The following TFEB variants were observed in gnomAD, a reference collection of about 807,000 sequenced individuals.
TFEB encodes T-cell transcription factor EB.
A neutral mutation model predicts 48.0 loss-of-function variants in TFEB; 12 were observed. The ratio of observed to expected loss-of-function variants is 0.25; its 90% confidence interval spans 0.16 to 0.40. TFEB has a LOEUF of 0.40. Among genes scored for constraint, TFEB ranks in the 10% least tolerant of loss-of-function variants. TFEB has a pLI of 1.00. For missense variants in TFEB, 509 were observed against 640.3 expected, an observed-to-expected ratio of 0.79 and a Z score of 2.21; for synonymous variants, 244 against 261.4, an observed-to-expected ratio of 0.93 and a Z score of 0.64.
At chr6:41,704,421 G>T (rs1005786552) in intron 1 of TFEB, among the ~76,000 whole-genome samples, 2 of 152,218 alleles carry the variant, frequency 1.3e-5, no homozygotes, top group African/African-American at 4.8e-5. Flanking sequence ...AGTCAGTGAG[G>T]GGGTAAATGG....
chr6:41,687,649 A>G, intron 6 of TFEB, 104 bp downstream of exon 6: 3 of 1,454,404 alleles, frequency 2.1e-6, no homozygotes, highest in Non-Finnish European at 2.9e-6. Flanking sequence ...ATTGGCCTTG[A>G]GCAGGGAAGC....
At chr6:41,692,622 T>C (rs1340724736) in intron 1 of TFEB, among the ~76,000 whole-genome samples, 1 of 152,196 alleles carries the variant, frequency 6.6e-6, no homozygotes, top group East Asian at 1.9e-4. Flanking sequence ...CCCTAGCTCA[T>C]TGACTGACCC....
chr6:41,719,616 A>C (rs149542827), intron 1 of TFEB, among the ~76,000 whole-genome samples: 3 of 152,356 alleles, frequency 2.0e-5, no homozygotes, highest in Non-Finnish European at 2.9e-5. Flanking sequence ...AGTTACTGGC[A>C]TGCAGGTCAT....
intron 1 of TFEB, among the ~76,000 whole-genome samples, chr6:41,698,476 A>C (rs1386882167): frequency 6.6e-6 from 1 of 152,186 alleles, no homozygotes; most frequent in Non-Finnish European, 1.5e-5. Flanking sequence ...CAGAAAAAAA[A>C]ATTCTACCCT....
At chr6:41,712,945 G>A (rs538934104) in intron 1 of TFEB, among the ~76,000 whole-genome samples, 4 of 152,344 alleles carry the variant, frequency 2.6e-5, no homozygotes, top group African/African-American at 9.6e-5. Flanking sequence ...GCAGGTACTG[G>A]GAAATGGGGA....
chr6:41,717,638 T>C (rs1770795656), intron 1 of TFEB, among the ~76,000 whole-genome samples: 1 of 152,026 alleles, frequency 6.6e-6, no homozygotes, highest in African/African-American at 2.4e-5. Flanking sequence ...CTCATAGCAA[T>C]GCCCAGAAGG....
At position 41,723,390 on chromosome 6, in the gene TFEB, TG is replaced by T; in HGVS notation, c.-23+11959del. The T allele has an allele frequency of 1.0e-6, 1 of 986,194 alleles. No individual in the cohort carries two copies. Among genetic ancestry groups the T allele is most frequent in the East Asian group, 6.0e-5 (1 of 16,560 alleles). 61.1% of individuals were successfully genotyped at this position (986,194 alleles called of 1,614,324 possible). A position where few individuals can be genotyped will look rare whatever the true frequency, so the allele number is the denominator to read the frequency against. ...ACAGATGCACACAGGCTAACACACA[TG>T]GACACACATTCACACACATGCTCAC... is the stretch of plus-strand genomic sequence containing the variant. On this transcript the variant is annotated intron_variant, in intron 1 of 8. Coordinates refer to ENST00000373033, the MANE Select transcript of TFEB (RefSeq NM_001271944.2). This position sits in a 1 kb window ranked among gnomAD's most constrained non-coding sequence, Gnocchi z 6.0.
chr6:41,684,935 C>G lies in TFEB; in HGVS notation c.1095G>C (p.Glu365Asp). The G allele has an allele frequency of 1.9e-6, 3 of 1,587,474 alleles. No homozygotes were observed. Among genetic ancestry groups the G allele is most frequent in the Non-Finnish European group, 2.6e-6 (3 of 1,167,010 alleles). Residue 365 changes from glutamate (E) to aspartate (D), a missense_variant, in exon 9 of 9, where the codon GAG becomes GAC. Physicochemically the swap from Glu to Asp is conservative, Grantham distance 45. Coordinates refer to ENST00000373033, the MANE Select transcript of TFEB (RefSeq NM_001271944.2). Reference sequence around the variant, plus strand: ...CTGGCAGTGGCTCAGGGTCAGGGACCTCAGCCCCCAGCATCAGGGCCTCCC... The same window carrying G: ...CTGGCAGTGGCTCAGGGTCAGGGACGTCAGCCCCCAGCATCAGGGCCTCCC... ...GPGEALMLGA[E>D]VPDPEPLPAL...
intron 1 of TFEB, among the ~76,000 whole-genome samples, chr6:41,728,733 G>C (rs934372040): frequency 6.6e-6 from 1 of 151,988 alleles, no homozygotes; most frequent in Non-Finnish European, 1.5e-5. Flanking sequence ...GGAACAGACT[G>C]TGAGCCCTAC....
chr6:41,725,695 T>C (rs1003386122), intron 1 of TFEB, among the ~76,000 whole-genome samples: 1 of 152,234 alleles, frequency 6.6e-6, no homozygotes, highest in Non-Finnish European at 1.5e-5. Context: ...TCTTTCCTTG[T>C]AAATTGCTTA....
In TFEB at chr6:41,734,864, G is replaced by T; in HGVS notation, c.-23+486C>A. On this transcript the variant is annotated intron_variant, in intron 1 of 8. Transcript: ENST00000373033. This position sits in a 1 kb window ranked among gnomAD's most constrained non-coding sequence, Gnocchi z 4.0. ...TCTGGCCCTCCCACTCCCCCCGCTG[G>T]CCTGGCCAGACTCAGCCCCCGCACA... 3.1e-6 allele frequency: 3 copies of T among 983,604 alleles called. No individual in the cohort carries two copies. Among genetic ancestry groups the T allele is most frequent in the Non-Finnish European group, 3.6e-6 (3 of 828,418 alleles). 60.9% of individuals were successfully genotyped at this position (983,604 alleles called of 1,614,324 possible).
At chr6:41,702,144 C>G (rs1769965461) in intron 1 of TFEB, among the ~76,000 whole-genome samples, 3 of 151,982 alleles carry the variant, frequency 2.0e-5, no homozygotes, top group Non-Finnish European at 2.9e-5. Flanking sequence ...TCCTGCGCCC[C>G]CCTCATCCCA....
At chr6:41,735,689 G>T, upstream of TFEB, 1 of 495,616 alleles carries the variant, frequency 2.0e-6, no homozygotes, top group Non-Finnish European at 2.6e-6. Context: ...ACTGGGAAGC[G>T]TAGTTCTCGC....
In TFEB at chr6:41,704,750, GGGAAGCACAGGCCCCTGGT is replaced by G. The variant is rs527678145; in HGVS notation, c.-22-13534_-22-13516del. On this transcript the variant is annotated intron_variant, in intron 1 of 8. Transcript: ENST00000373033. ...TGGTGGCGGGTGGGAGAACACAGCA[GGGAAGCACAGGCCCCTGGT>G]GGAAGCACAGAGCTATTTTAAAGGA... Among the ~76,000 whole-genome samples the G allele has an allele frequency of 6.2e-3, 945 of 152,334 alleles. 4 individuals are homozygous for G. The highest frequency in any genetic ancestry group is 0.013 in the South Asian group (65 of 4,830).
chr6:41,714,096 C>A lies in TFEB; in HGVS notation c.-23+21254G>T, dbSNP rs536825801. On this transcript the variant is annotated intron_variant, in intron 1 of 8. Coordinates refer to ENST00000373033, the MANE Select transcript of TFEB (RefSeq NM_001271944.2). ...ACCACTGCACTGAGTCCTGTGTGTG[C>A]GTGTGTGTGTGCACGTGTGTGTGTG... Among the ~76,000 whole-genome samples the A allele has an allele frequency of 2.7e-5, 4 of 150,492 alleles. No homozygotes were observed. In the Admixed American group the frequency reaches 2.7e-4, roughly 10 times the overall value.
In TFEB at chr6:41,687,849, G is replaced by C. The variant is rs761212947; in HGVS notation, c.671-40C>G. The C allele has an allele frequency of 9.9e-6, 16 of 1,610,798 alleles. No individual in the cohort carries two copies. The African/African-American group carries it at 1.9e-4, about 19-fold the overall frequency. ...AGAAGGAGAGAGGAGCTGGGAGGGAGGGAGAAAAGGAGGGAGGAGTCGGGT... is the reference window on the plus strand; with the variant it reads ...AGAAGGAGAGAGGAGCTGGGAGGGACGGAGAAAAGGAGGGAGGAGTCGGGT... On this transcript the variant is annotated intron_variant, in intron 5 of 8. Transcript: ENST00000373033.
Position 41,686,486 on chromosome 6 carries a change from G to C in TFEB, c.804-249C>G. 4 of 360,334 alleles carry C rather than the reference G, an allele frequency of 1.1e-5. No homozygotes were observed. In the East Asian group the frequency reaches 1.3e-4, roughly 12 times the overall value. The allele number at this position is 360,334 out of a possible 1,614,324, so 22.3% of individuals were successfully genotyped here. On this transcript the variant is annotated intron_variant, in intron 7 of 8. Coordinates refer to ENST00000373033, the MANE Select transcript of TFEB (RefSeq NM_001271944.2). ...AGCAGCCTCCTTCCCAGACTACCAA[G>C]ACTCCAGCCCAGCCTACCTTTCTTT... is the stretch of plus-strand genomic sequence containing the variant.
intron 1 of TFEB, chr6:41,733,157 G>C: frequency 7.1e-6 from 4 of 560,318 alleles, no homozygotes; most frequent in Non-Finnish European, 9.1e-6. Flanking sequence ...AGGGGTGGGA[G>C]TCCCCTTCCA....
chr6:41,694,561 G>A (rs9471628), intron 1 of TFEB, among the ~76,000 whole-genome samples: 45,882 of 151,876 alleles, frequency 0.3, 7,366 homozygotes, highest in Middle Eastern at 0.44. Flanking sequence ...ATCAGAGAGC[G>A]ATGGGGGTGG....
Sources: gnomAD v4.1 joint callset for allele counts (sites outside exome capture counted in the v4.1 genomes callset) on GRCh38, gnomAD v4.1.1 for gene constraint, Gnocchi (gnomAD v3.1) non-coding constraint, MANE v1.5 for transcripts, NCBI Gene and HGNC (gene_info 2026-07-23, HGNC 2026-07-21) for gene names.